The following MDGA2 variants were observed in gnomAD, a reference collection of about 807,000 sequenced individuals.
MDGA2 encodes MAM domain-containing glycosylphosphatidylinositol anchor protein 2.
A neutral mutation model predicts 117.8 loss-of-function variants in MDGA2; 40 were observed. That is an observed-to-expected ratio of 0.34 (90% confidence interval 0.26 to 0.44). MDGA2 has a LOEUF of 0.44. Among genes scored for constraint, MDGA2 ranks in the 20% least tolerant of loss-of-function variants. The pLI is 1.00. For missense variants in MDGA2, 1,123 were observed against 1,250.6 expected, an observed-to-expected ratio of 0.90 and a Z score of 1.54; for synonymous variants, 452 against 439.0, an observed-to-expected ratio of 1.03 and a Z score of -0.37.
intron 15 of MDGA2, among the ~76,000 whole-genome samples, chr14:46,848,934 T>C (rs143638782): frequency 9.0e-4 from 137 of 152,156 alleles, no homozygotes; most frequent in Middle Eastern, 3.4e-3. Flanking sequence ...CCCTTGGTGA[T>C]ACCGAATGAA....
At chr14:47,212,140 A>G (rs1420007959) in intron 3 of MDGA2, among the ~76,000 whole-genome samples, 1 of 152,184 alleles carries the variant, frequency 6.6e-6, no homozygotes, top group Non-Finnish European at 1.5e-5. Flanking sequence ...TATTCTAAAA[A>G]GTTTAGAAGA....
At chr14:47,603,380 A>C in intron 1 of MDGA2, among the ~76,000 whole-genome samples, 1 of 152,200 alleles carries the variant, frequency 6.6e-6, no homozygotes, top group East Asian at 1.9e-4. Flanking sequence ...ACATCAGAGT[A>C]CATCTTCAAA....
At chr14:47,412,545 G>A (rs1892395443) in intron 1 of MDGA2, among the ~76,000 whole-genome samples, 2 of 152,230 alleles carry the variant, frequency 1.3e-5, no homozygotes, top group Non-Finnish European at 2.9e-5. Flanking sequence ...GCCTCCCAAA[G>A]TGTTGGGATT....
At chr14:47,154,039 C>A (rs536815312) in intron 3 of MDGA2, among the ~76,000 whole-genome samples, 2 of 152,108 alleles carry the variant, frequency 1.3e-5, no homozygotes, top group Non-Finnish European at 2.9e-5. Flanking sequence ...AGAAACTTGG[C>A]TCTAACAAAA....
At position 47,289,722 on chromosome 14, in the gene MDGA2, G is replaced by A. The variant is rs183461518; in HGVS notation, c.420+11689C>T. Among the ~76,000 whole-genome samples the A allele has an allele frequency of 9.9e-5, 15 of 151,994 alleles. No individual in the cohort carries two copies. In the East Asian group the frequency reaches 1.4e-3, roughly 14 times the overall value. On this transcript the variant is annotated intron_variant, in intron 2 of 16. Coordinates refer to ENST00000399232, the MANE Select transcript of MDGA2 (RefSeq NM_001113498.3). ...GATGGTATTTCTTTCTTCTTGAAAC[G>A]CCCTGATAATCTTCAAATACTTATT... is the stretch of plus-strand genomic sequence containing the variant.
At chr14:47,424,413 C>CAAAA (rs34875957) in intron 1 of MDGA2, among the ~76,000 whole-genome samples, 1 of 139,616 alleles carries the variant, frequency 7.2e-6, no homozygotes, top group African/African-American at 2.7e-5. Flanking sequence ...GATTCTGTCT[C>CAAAA]AAAAAAAAAA....
At chr14:47,113,361 G>A (rs141680840) in intron 5 of MDGA2, among the ~76,000 whole-genome samples, 1,708 of 152,132 alleles carry the variant, frequency 0.011, 10 homozygotes, top group Middle Eastern at 0.051. Flanking sequence ...TGGATTTACT[G>A]AAACTATTCC....
intron 1 of MDGA2, among the ~76,000 whole-genome samples, chr14:47,477,425 C>T (rs1036470348): frequency 1.3e-5 from 2 of 152,084 alleles, no homozygotes; most frequent in Non-Finnish European, 2.9e-5. Flanking sequence ...ACTGAATGCA[C>T]GATATGGAAA....
chr14:47,395,367 C>G (rs899037731), intron 1 of MDGA2, among the ~76,000 whole-genome samples: 32 of 151,948 alleles, frequency 2.1e-4, no homozygotes, highest in African/African-American at 7.7e-4. Context: ...ATCTACTTCC[C>G]CACAGTGTTC....
At chr14:47,379,787 T>C (rs899468139) in intron 1 of MDGA2, among the ~76,000 whole-genome samples, 12 of 151,848 alleles carry the variant, frequency 7.9e-5, no homozygotes, top group African/African-American at 2.7e-4. Flanking sequence ...ACTTTAACAC[T>C]CCACTGTCAA....
chr14:47,513,680 A>G (rs969413607), intron 1 of MDGA2, among the ~76,000 whole-genome samples: 3 of 152,162 alleles, frequency 2.0e-5, no homozygotes, highest in African/African-American at 4.8e-5. Context: ...GCTAAGAACC[A>G]TAAATAAATG....
intron 1 of MDGA2, among the ~76,000 whole-genome samples, chr14:47,426,913 T>C (rs1892703518): frequency 6.6e-6 from 1 of 151,946 alleles, no homozygotes; most frequent in African/African-American, 2.4e-5. Context: ...ATTCTCTACA[T>C]ATTGTGAGTT....
In MDGA2 at chr14:47,000,400, A is replaced by AATATATATATTTATATATATATATATAT. The variant is rs71112475; in HGVS notation, c.1819+34610_1819+34611insATATATATATATATATAAATATATATAT. Among the ~76,000 whole-genome samples, 89 of 115,610 alleles carry AATATATATATTTATATATATATATATAT rather than the reference A, an allele frequency of 7.7e-4. 1 individual carries two copies. Among genetic ancestry groups the AATATATATATTTATATATATATATATAT allele is most frequent in the Non-Finnish European group, 1.4e-3 (79 of 57,208 alleles). 75.8% of individuals were successfully genotyped at this position (115,610 alleles called of 152,430 possible). A position where few individuals can be genotyped will look rare whatever the true frequency, so the allele number is the denominator to read the frequency against. On this transcript the variant is annotated intron_variant, in intron 8 of 16. Transcript: ENST00000399232. Reference sequence around the variant, plus strand: ...ATTTATATATATATATTTATATATAAATATATATTTATATATATACACATA... The same window carrying AATATATATATTTATATATATATATATAT: ...ATTTATATATATATATTTATATATAAATATATATATTTATATATATATATATATATATATATTTATATATATACACATA...
At chr14:47,281,013 T>C (rs1888470628) in intron 2 of MDGA2, among the ~76,000 whole-genome samples, 1 of 147,724 alleles carries the variant, frequency 6.8e-6, no homozygotes. Flanking sequence ...TGGTATATAA[T>C]ATATAATAAA....
intron 1 of MDGA2, among the ~76,000 whole-genome samples, chr14:47,389,716 T>C (rs1345362305): frequency 1.3e-5 from 2 of 152,044 alleles, no homozygotes; most frequent in African/African-American, 4.8e-5. Flanking sequence ...TACTTTGCAG[T>C]CCTTGGGCCT....
At chr14:46,973,704 AC>A (rs1160381493) in intron 8 of MDGA2, among the ~76,000 whole-genome samples, 1 of 152,154 alleles carries the variant, frequency 6.6e-6, no homozygotes, top group African/African-American at 2.4e-5. Context: ...AATGAAACAA[AC>A]CCCAATCTAA....
In MDGA2 at chr14:47,561,463, C is replaced by A. The variant is rs562745210; in HGVS notation, c.280+113054G>T. Among the ~76,000 whole-genome samples, 22 of 152,012 alleles carry A rather than the reference C, an allele frequency of 1.4e-4. 1 individual carries two copies. The East Asian group carries it at 3.7e-3, about 25-fold the overall frequency. On this transcript the variant is annotated intron_variant, in intron 1 of 16. Coordinates refer to ENST00000399232, the MANE Select transcript of MDGA2 (RefSeq NM_001113498.3). ...CCTCACCTCCCCGGTTAACTGTATT[C>A]TTAGTTATTTTATTCTTTTTCTAAG...
At chr14:47,526,644 A>T (rs546989618) in intron 1 of MDGA2, among the ~76,000 whole-genome samples, 1 of 152,180 alleles carries the variant, frequency 6.6e-6, no homozygotes, top group South Asian at 2.1e-4. Context: ...GTAGTGTAAG[A>T]ATTGGCAAAT....
At chr14:47,312,917 T>TAC (rs1014845121) in intron 1 of MDGA2, among the ~76,000 whole-genome samples, 1 of 111,866 alleles carries the variant, frequency 8.9e-6, no homozygotes, top group Non-Finnish European at 1.9e-5. Flanking sequence ...TAAATTTAAT[T>TAC]ATATATATAC....
Sources: gnomAD v4.1 joint callset for allele counts (sites outside exome capture counted in the v4.1 genomes callset) on GRCh38, gnomAD v4.1.1 for gene constraint, MANE v1.5 for transcripts, NCBI Gene and HGNC (gene_info 2026-07-23, HGNC 2026-07-21) for gene names.